NFKB1: variants seen among roughly 807,000 people sequenced by gnomAD.
NFKB1 encodes nuclear factor NF-kappa-B p105 subunit.
A neutral mutation model predicts 105.1 loss-of-function variants in NFKB1; 9 were observed. That is an observed-to-expected ratio of 0.09 (90% confidence interval 0.05 to 0.15). NFKB1 has a LOEUF of 0.15. NFKB1 is among the 10% of genes least tolerant of loss of function. The pLI, the probability that NFKB1 is intolerant of heterozygous loss-of-function variation, is 1.00. For missense variants in NFKB1, 830 were observed against 1,203.7 expected, an observed-to-expected ratio of 0.69 and a Z score of 4.59; for synonymous variants, 440 against 442.2, an observed-to-expected ratio of 1.00 and a Z score of 0.06.
chr4:102,535,411 C>T (rs1418073048), intron 4 of NFKB1, among the ~76,000 whole-genome samples: 1 of 152,034 alleles, frequency 6.6e-6, no homozygotes, highest in African/African-American at 2.4e-5. Context: ...TTCCAAAATT[C>T]AAAATTTAAT....
At chr4:102,615,478 G>A (rs1377630253) in intron 23 of NFKB1, among the ~76,000 whole-genome samples, 1 of 152,206 alleles carries the variant, frequency 6.6e-6, no homozygotes, top group Non-Finnish European at 1.5e-5. Flanking sequence ...AGCAAGGGCA[G>A]ACGTCATTGT....
chr4:102,567,133 C>A lies in NFKB1; in HGVS notation c.405C>A (p.Val135=). 1 of 1,612,992 alleles carries A rather than the reference C, an allele frequency of 6.2e-7. No homozygotes were observed. Among genetic ancestry groups the A allele is most frequent in the South Asian group, 1.1e-5 (1 of 90,938 alleles). ...TVTAGPKDMV[V]GFANLGILHV... is the part of the protein sequence containing the mutation. ...CTGCTGGACCCAAGGACATGGTGGT[C>A]GGGTAAGTAGGGGTATATGATGCTG... is the stretch of plus-strand genomic sequence containing the variant. Residue 135 remains valine (V), a splice_region_variant and synonymous_variant, in exon 6 of 24, where the codon GTC becomes GTA. Coordinates refer to ENST00000226574, the MANE Select transcript of NFKB1 (RefSeq NM_003998.4).
At chr4:102,585,914 C>T (rs759306451) in intron 11 of NFKB1, among the ~76,000 whole-genome samples, 1 of 151,980 alleles carries the variant, frequency 6.6e-6, no homozygotes, top group African/African-American at 2.4e-5. Flanking sequence ...GTGTTCTGAG[C>T]GCTCGGATGG....
chr4:102,591,419 C>CAAAAAA (rs59255093), intron 11 of NFKB1, among the ~76,000 whole-genome samples: 1 of 101,768 alleles, frequency 9.8e-6, no homozygotes. Flanking sequence ...GACCCTGGCT[C>CAAAAAA]AAAAAAAAAA....
intron 5 of NFKB1, among the ~76,000 whole-genome samples, chr4:102,538,187 AACTT>A (rs1335669082): frequency 6.6e-6 from 1 of 152,234 alleles, no homozygotes; most frequent in Non-Finnish European, 1.5e-5. Context: ...TTAGCTAACA[AACTT>A]ACTATTTCTT....
chr4:102,590,573 A>G (rs1210397813), intron 11 of NFKB1, among the ~76,000 whole-genome samples: 2 of 111,274 alleles, frequency 1.8e-5, no homozygotes, highest in Non-Finnish European at 3.6e-5. Flanking sequence ...ATCTGTGAAC[A>G]GTGATCTTTG....
intron 1 of NFKB1, among the ~76,000 whole-genome samples, chr4:102,505,332 A>C (rs927827205): frequency 5.3e-5 from 8 of 152,256 alleles, no homozygotes; most frequent in Admixed American, 2.0e-4. Flanking sequence ...TAGAGTACTA[A>C]TAATAAAAAT....
intron 23 of NFKB1, 125 bp from the exon 24 acceptor site, chr4:102,616,308 GT>G: frequency 1.0e-6 from 1 of 961,836 alleles, no homozygotes; most frequent in Non-Finnish European, 1.6e-6. Context: ...AGTCATGACA[GT>G]GAGGGTGGCA....
At chr4:102,602,505 C>CGA (rs1727257312) in intron 16 of NFKB1, among the ~76,000 whole-genome samples, 1 of 151,152 alleles carries the variant, frequency 6.6e-6, no homozygotes. Context: ...CGCCACTGCA[C>CGA]TCCAGCCTGG....
At chr4:102,596,422 A>G in intron 14 of NFKB1, 90 bp downstream of exon 14, 1 of 1,026,578 alleles carries the variant, frequency 9.7e-7, no homozygotes, top group Non-Finnish European at 1.3e-6. Flanking sequence ...TAAAGATGAT[A>G]TATCAATATC....
intron 5 of NFKB1, among the ~76,000 whole-genome samples, chr4:102,565,638 A>G (rs1723802378): frequency 6.6e-6 from 1 of 151,994 alleles, no homozygotes; most frequent in Admixed American, 6.6e-5. Flanking sequence ...ACTTCCATCA[A>G]AGAGTTATCT....
chr4:102,539,768 A>G (rs896057870), intron 5 of NFKB1, among the ~76,000 whole-genome samples: 40 of 152,198 alleles, frequency 2.6e-4, no homozygotes, highest in African/African-American at 8.9e-4. Context: ...GGCCTTTCTC[A>G]CAAGACTAGT....
intron 11 of NFKB1, among the ~76,000 whole-genome samples, chr4:102,590,656 G>A (rs371977008): frequency 2.0e-3 from 305 of 152,224 alleles, no homozygotes; most frequent in African/African-American, 7.2e-3. Context: ...TGTGTGTTCT[G>A]ACTGCTCTAC....
intron 23 of NFKB1, among the ~76,000 whole-genome samples, chr4:102,615,946 A>G (rs1431719002): frequency 6.6e-6 from 1 of 152,192 alleles, no homozygotes; most frequent in Non-Finnish European, 1.5e-5. Flanking sequence ...CACCAAAATC[A>G]TTTTACTTTT....
chr4:102,512,684 G>T (rs754642085), intron 1 of NFKB1, among the ~76,000 whole-genome samples: 1 of 152,162 alleles, frequency 6.6e-6, no homozygotes, highest in Non-Finnish European at 1.5e-5. Flanking sequence ...AGTGGTCAGT[G>T]TAGAAAGGGC....
intron 3 of NFKB1, among the ~76,000 whole-genome samples, chr4:102,530,274 TGTTGTGTACTACCAGTGTGCCAG>T (rs1560646054): frequency 6.6e-6 from 1 of 152,152 alleles, no homozygotes; most frequent in Non-Finnish European, 1.5e-5. Context: ...TAAGAGGGCC[TGTTGTGTACTACCAGTGTGCCAG>T]TCACTGGGGA....
intron 1 of NFKB1, among the ~76,000 whole-genome samples, chr4:102,509,083 G>T (rs1739612037): frequency 6.6e-6 from 1 of 152,148 alleles, no homozygotes; most frequent in African/African-American, 2.4e-5. Context: ...AAACACTTTA[G>T]AAGTCAGTTG....
intron 4 of NFKB1, among the ~76,000 whole-genome samples, chr4:102,537,299 AATCTT>A (rs1440931713): frequency 6.6e-6 from 1 of 152,216 alleles, no homozygotes; most frequent in Non-Finnish European, 1.5e-5. Flanking sequence ...TAAAAACAAA[AATCTT>A]ATCCTCTGAA....
At chr4:102,539,491 G>T (rs1741862191) in intron 5 of NFKB1, among the ~76,000 whole-genome samples, 1 of 152,088 alleles carries the variant, frequency 6.6e-6, no homozygotes, top group East Asian at 1.9e-4. Flanking sequence ...AATGAAAGAT[G>T]TTTTTTCTAT....
Sources: gnomAD v4.1 joint callset for allele counts (sites outside exome capture counted in the v4.1 genomes callset) on GRCh38, gnomAD v4.1.1 for gene constraint, MANE v1.5 for transcripts, NCBI Gene and HGNC (gene_info 2026-07-23, HGNC 2026-07-21) for gene names.